NKTR: variants seen among roughly 807,000 people sequenced by gnomAD.
NKTR encodes NK-tumor recognition protein.
Under a neutral mutation model 156.3 loss-of-function variants are expected in NKTR, and 67 were observed. The observed-to-expected ratio is 0.43, with a 90% confidence interval of 0.35 to 0.53. The LOEUF is 0.53. Among genes scored for constraint, NKTR ranks in the 20% least tolerant of loss-of-function variants. NKTR has a pLI of 0.01. For missense variants in NKTR, 1,604 were observed against 1,730.9 expected (o/e 0.93, Z 1.30); for synonymous variants, 640 against 596.6 (o/e 1.07, Z -1.06).
Position 42,635,310 on chromosome 3 carries a change from G to A in NKTR, c.1107G>A (p.Met369Ile). ...SETPPHWKEE[M>I]QRLRAYRPPS... ...CTCCTCCTCACTGGAAAGAGGAAAT[G>A]CAGAGATTAAGAGCATATAGACCAC... Residue 369 changes from methionine to isoleucine, a missense_variant, in exon 12 of 17, where the codon ATG becomes ATA. Physicochemically the swap from Met to Ile is conservative, Grantham distance 10. Transcript: ENST00000232978. The A allele has an allele frequency of 1.2e-6, 2 of 1,613,740 alleles. No individual in the cohort carries two copies. Among genetic ancestry groups the A allele is most frequent in the South Asian group, 2.2e-5 (2 of 91,068 alleles).
At position 42,638,221 on chromosome 3, in the gene NKTR, A is replaced by T. The variant is rs1709588314; in HGVS notation, c.2517A>T (p.Glu839Asp). The change falls in exon 13 of 17, where the codon GAA becomes GAT. Residue 839 changes from glutamate (E) to aspartate (D), a missense_variant. Glu to Asp is a conservative substitution (Grantham distance 45, BLOSUM62 2). Coordinates refer to ENST00000232978, the MANE Select transcript of NKTR (RefSeq NM_005385.4). Reference sequence around the variant, plus strand: ...TGGAAAGAACACATAATAAACAAGAAAAAAACAGAGGTGAAGAAAAATCCA... The same window carrying T: ...TGGAAAGAACACATAATAAACAAGATAAAAACAGAGGTGAAGAAAAATCCA... Reference protein sequence around the residue: ...GQMERTHNKQEKNRGEEKSKS... With the variant: ...GQMERTHNKQDKNRGEEKSKS... 6.2e-7 allele frequency: 1 copy of T among 1,613,252 alleles called. No homozygotes were observed. Among genetic ancestry groups the T allele is most frequent in the African/African-American group, 1.3e-5 (1 of 74,798 alleles).
At chr3:42,618,411 A>G (rs3095258) in intron 3 of NKTR, among the ~76,000 whole-genome samples, 38,417 of 151,600 alleles carry the variant, frequency 0.25, 5,375 homozygotes, top group East Asian at 0.47. Context: ...TTGGATACAC[A>G]TATGCAATTT....
intron 15 of NKTR, 157 bp from the exon 16 acceptor site, chr3:42,643,745 G>A: frequency 1.5e-6 from 1 of 689,114 alleles, no homozygotes; most frequent in Non-Finnish European, 2.6e-6. Context: ...TGGGGCAATT[G>A]TTAAATGTTT....
Position 42,635,301 on chromosome 3 carries a change from A to G in NKTR, c.1098A>G (p.Lys366=), listed in dbSNP as rs1709297781. The change falls in exon 12 of 17, where the codon AAA becomes AAG. Residue 366 remains lysine, a synonymous_variant. Coordinates refer to ENST00000232978, the MANE Select transcript of NKTR (RefSeq NM_005385.4). The part of the protein sequence containing the change: ...DDSSETPPHW[K]EEMQRLRAYR... ...GCAGTGAAACTCCTCCTCACTGGAA[A>G]GAGGAAATGCAGAGATTAAGAGCAT... is the stretch of plus-strand genomic sequence containing the variant. 6.2e-7 allele frequency: 1 copy of G among 1,612,966 alleles called. No homozygotes were observed. The highest frequency in any genetic ancestry group is 1.3e-5 in the African/African-American group (1 of 74,904).
At chr3:42,601,144 C>T (rs1353527056) in intron 2 of NKTR, 80 bp downstream of exon 2, 4 of 1,229,428 alleles carry the variant, frequency 3.3e-6, no homozygotes, top group East Asian at 3.1e-5. Context: ...AGCAACCCTC[C>T]CCCGGCCTTT....
intron 2 of NKTR, chr3:42,602,569 A>G (rs115307300): frequency 2.9e-4 from 44 of 151,998 alleles, no homozygotes; most frequent in African/African-American, 1.0e-3. Context: ...AAGGGATGAG[A>G]TAATCCTGGA....
At chr3:42,622,400 T>G (rs1447274039) in intron 6 of NKTR, among the ~76,000 whole-genome samples, 2 of 152,070 alleles carry the variant, frequency 1.3e-5, no homozygotes, top group Admixed American at 6.6e-5. Flanking sequence ...TGGAGAAATA[T>G]TTCATTAATA....
chr3:42,608,141 C>T (rs1389164741), intron 2 of NKTR, among the ~76,000 whole-genome samples: 5 of 151,480 alleles, frequency 3.3e-5, no homozygotes, highest in Admixed American at 6.6e-5. Context: ...AGGTGCCCAC[C>T]GCCACACCTG....
rs983475245 is a variant in NKTR, at chr3:42,601,234, A to C, written c.58+170A>C. The C allele has an allele frequency of 5.2e-5, 27 of 518,650 alleles. No homozygotes were observed. The African/African-American group carries it at 5.2e-4, about 10-fold the overall frequency. 32.1% of individuals were successfully genotyped at this position (518,650 alleles called of 1,614,324 possible). A position where few individuals can be genotyped will look rare whatever the true frequency, so the allele number is the denominator to read the frequency against. On this transcript the variant is annotated intron_variant, in intron 2 of 16. Transcript: ENST00000232978. Reference sequence around the variant, plus strand: ...AGTGGGAGAGGAAGGTGGCCTGGGCACACCCCTAACTCGCAGTCCGGGCCT... The same window carrying C: ...AGTGGGAGAGGAAGGTGGCCTGGGCCCACCCCTAACTCGCAGTCCGGGCCT...
chr3:42,632,988 G>T, intron 9 of NKTR, 165 bp downstream of exon 9: 1 of 1,294,802 alleles, frequency 7.7e-7, no homozygotes, highest in South Asian at 2.9e-5. Context: ...GGTAGCATAG[G>T]CATTTCATTT....
chr3:42,632,421 G>A (rs929591473), intron 8 of NKTR, 180 bp from the exon 9 acceptor site: 4 of 544,766 alleles, frequency 7.3e-6, no homozygotes, highest in African/African-American at 1.9e-5. Flanking sequence ...AAAGACAAGG[G>A]ACTTACTACC....
intron 2 of NKTR, among the ~76,000 whole-genome samples, chr3:42,608,077 C>T (rs1046954617): frequency 1.4e-5 from 2 of 142,358 alleles, no homozygotes; most frequent in Admixed American, 1.5e-4. Context: ...GCAACCTCCG[C>T]CTCCCGGGTT....
chr3:42,623,264 A>G (rs1340741898), intron 6 of NKTR, among the ~76,000 whole-genome samples: 1 of 152,102 alleles, frequency 6.6e-6, no homozygotes, highest in African/African-American at 2.4e-5. Context: ...TATAATTTTT[A>G]TACTTATTTT....
chr3:42,611,222 T>A (rs962755842), intron 2 of NKTR: 11 of 152,206 alleles, frequency 7.2e-5, no homozygotes, highest in African/African-American at 2.7e-4. Context: ...TTTTGAGTTT[T>A]TGCTTGTACT....
chr3:42,619,953 A>G (rs773376011), intron 5 of NKTR: 27 of 1,522,444 alleles, frequency 1.8e-5, no homozygotes, highest in East Asian at 4.9e-5. Flanking sequence ...AGGTTAGGCA[A>G]CTATATACAT....
Position 42,646,446 on chromosome 3 carries a change from C to T in NKTR, c.*471C>T, listed in dbSNP as rs929235149. 6.5e-6 allele frequency: 1 copy of T among 155,034 alleles called. No homozygotes were observed. The highest frequency in any genetic ancestry group is 2.4e-5 in the African/African-American group (1 of 41,574). 9.6% of individuals were successfully genotyped at this position (155,034 alleles called of 1,614,324 possible). On this transcript the variant is annotated 3_prime_UTR_variant, in exon 17 of 17. Coordinates refer to ENST00000232978, the MANE Select transcript of NKTR (RefSeq NM_005385.4). Reference sequence around the variant, plus strand: ...ACATATGTGCTCTAAAAACAAACCACCCAGAATTGATACTGTTGGTAACCA... The same window carrying T: ...ACATATGTGCTCTAAAAACAAACCATCCAGAATTGATACTGTTGGTAACCA...
intron 7 of NKTR, chr3:42,630,905 G>A (rs1252437474): frequency 4.4e-6 from 6 of 1,365,660 alleles, no homozygotes; most frequent in African/African-American, 1.5e-5. Flanking sequence ...AGTACCAAGC[G>A]AAATCTGAAT....
At chr3:42,607,447 C>T (rs1706337300) in intron 2 of NKTR, among the ~76,000 whole-genome samples, 1 of 151,624 alleles carries the variant, frequency 6.6e-6, no homozygotes, top group Non-Finnish European at 1.5e-5. Context: ...TAAGATGTGG[C>T]TAATATCTCA....
intron 3 of NKTR, 58 bp downstream of exon 3, chr3:42,617,702 CAGAAT>C: frequency 1.1e-6 from 1 of 874,550 alleles, no homozygotes; most frequent in South Asian, 1.4e-5. Flanking sequence ...CCTTGCTGAA[CAGAAT>C]AGATATTTTC....
Sources: allele counts gnomAD v4.1 joint callset (sites outside exome capture counted in the v4.1 genomes callset), GRCh38; gene constraint gnomAD v4.1.1; transcripts MANE v1.5; gene names NCBI Gene and HGNC (gene_info 2026-07-23, HGNC 2026-07-21).